Variants in GTF2F2 observed in about 807,000 individuals in gnomAD.
GTF2F2 encodes the protein ATP-dependent helicase GTF2F2.
In GTF2F2, 23 loss-of-function variants were observed where a neutral mutation model predicts 42.2. The observed-to-expected ratio is 0.55, with a 90% CI of 0.39 to 0.77. The LOEUF is 0.77. GTF2F2 is among the 30% of genes least tolerant of loss of function. The pLI is 0.00. For synonymous variants in GTF2F2, 105 were observed against 100.8 expected, an observed-to-expected ratio of 1.04 and a Z score of -0.25; for missense variants, 261 against 287.2, an observed-to-expected ratio of 0.91 and a Z score of 0.66.
At chr13:45,130,072 T>A (rs1489610989) in intron 1 of GTF2F2, among the ~76,000 whole-genome samples, 2 of 152,206 alleles carry the variant, frequency 1.3e-5, no homozygotes, top group Non-Finnish European at 2.9e-5. Context: ...GTTGAAGATA[T>A]GGGATAGGAT....
At position 45,120,580 on chromosome 13, in the gene GTF2F2, C is replaced by G. The variant is rs914005811; in HGVS notation, c.-76C>G. Reference sequence around the variant, plus strand: ...CTCTCAGCGCGGCTTGTCCTTTGTTCCGGACGCCCGCTCCTCAGCCCTGCG... The same window carrying G: ...CTCTCAGCGCGGCTTGTCCTTTGTTGCGGACGCCCGCTCCTCAGCCCTGCG... On this transcript the variant is annotated 5_prime_UTR_variant, in exon 1 of 8. Coordinates refer to ENST00000340473, the MANE Select transcript of GTF2F2 (RefSeq NM_004128.3). 1.9e-6 allele frequency: 2 copies of G among 1,070,030 alleles called. No homozygotes were observed. The highest frequency in any genetic ancestry group is 1.4e-5 in the South Asian group (1 of 73,824). The allele number at this position is 1,070,030 out of a possible 1,614,324, so 66.3% of individuals were successfully genotyped here.
At chr13:45,155,276 T>TC in intron 4 of GTF2F2, among the ~76,000 whole-genome samples, 1 of 152,206 alleles carries the variant, frequency 6.6e-6, no homozygotes, top group South Asian at 2.1e-4. Context: ...TACATTGAAA[T>TC]ATAAATGAAG....
At chr13:45,139,896 A>G (rs944720668) in intron 2 of GTF2F2, among the ~76,000 whole-genome samples, 2 of 152,118 alleles carry the variant, frequency 1.3e-5, no homozygotes, top group Admixed American at 6.5e-5. Context: ...TCCCATACCA[A>G]AATCTACCAT....
chr13:45,183,462 G>C (rs1228082528), intron 4 of GTF2F2, among the ~76,000 whole-genome samples: 1 of 152,146 alleles, frequency 6.6e-6, no homozygotes, highest in East Asian at 1.9e-4. Context: ...CATCAAAAGG[G>C]AAGCAAGACG....
intron 5 of GTF2F2, among the ~76,000 whole-genome samples, chr13:45,225,992 G>C (rs1446486691): frequency 6.6e-6 from 1 of 151,822 alleles, no homozygotes; most frequent in Admixed American, 6.6e-5. Flanking sequence ...GTTGGAATTA[G>C]GAAAAATGCA....
chr13:45,262,315 G>A (rs766865528), intron 6 of GTF2F2, among the ~76,000 whole-genome samples: 2 of 152,158 alleles, frequency 1.3e-5, no homozygotes, highest in African/African-American at 2.4e-5. Context: ...TTGAGACTGC[G>A]ATGAGCTATG....
chr13:45,269,393 G>A (rs1876695811), intron 7 of GTF2F2, among the ~76,000 whole-genome samples: 1 of 152,224 alleles, frequency 6.6e-6, no homozygotes, highest in Non-Finnish European at 1.5e-5. Context: ...TCCCCAGGCT[G>A]GGGGTAGGCC....
At chr13:45,174,634 CTTTTTTTTTTTTT>C (rs397950608) in intron 4 of GTF2F2, among the ~76,000 whole-genome samples, 3 of 81,504 alleles carry the variant, frequency 3.7e-5, no homozygotes, top group African/African-American at 1.4e-4. Flanking sequence ...TTTCTTTTTT[CTTTTTTTTTTTTT>C]TTTTTTTTAG....
At chr13:45,216,018 G>T (rs1221671458) in intron 5 of GTF2F2, among the ~76,000 whole-genome samples, 1 of 151,940 alleles carries the variant, frequency 6.6e-6, no homozygotes. Context: ...TTGGGAGGCC[G>T]AGTCTTGAGC....
chr13:45,219,964 A>G (rs1874042515), intron 5 of GTF2F2, among the ~76,000 whole-genome samples: 1 of 152,198 alleles, frequency 6.6e-6, no homozygotes, highest in East Asian at 1.9e-4. Context: ...GGGCGTGGTG[A>G]GGTTACATAA....
At chr13:45,239,475 T>C (rs1382679413) in intron 5 of GTF2F2, among the ~76,000 whole-genome samples, 8 of 152,120 alleles carry the variant, frequency 5.3e-5, no homozygotes, top group Non-Finnish European at 2.9e-5. Flanking sequence ...AAAACAGAAG[T>C]TGGGCAGTAA....
chr13:45,189,055 T>C (rs1872532006), intron 4 of GTF2F2, among the ~76,000 whole-genome samples: 2 of 151,920 alleles, frequency 1.3e-5, no homozygotes, highest in Non-Finnish European at 2.9e-5. Context: ...CCTCCCCGGC[T>C]CCCCACCCCA....
intron 4 of GTF2F2, among the ~76,000 whole-genome samples, chr13:45,200,552 C>T (rs1277366825): frequency 6.6e-6 from 1 of 152,124 alleles, no homozygotes; most frequent in Non-Finnish European, 1.5e-5. Context: ...CCTCAGCCTC[C>T]CAAAGTGTTG....
chr13:45,267,221 GTT>G lies in GTF2F2; in HGVS notation c.487-10_487-9del, dbSNP rs1233372691. On this transcript the variant is annotated splice_polypyrimidine_tract_variant and intron_variant, in intron 6 of 7. Transcript: ENST00000340473. Reference sequence around the variant, plus strand: ...AATTGATGCTTTTATTTCCTTTGCTGTTTGCATATAGATCGAATATGAAAGGA... The same window carrying G: ...AATTGATGCTTTTATTTCCTTTGCTGTGCATATAGATCGAATATGAAAGGA... 1 of 1,604,566 alleles carries G rather than the reference GTT, an allele frequency of 6.2e-7. No homozygotes were observed. The highest frequency in any genetic ancestry group is 2.2e-5 in the East Asian group (1 of 44,766).
At chr13:45,172,361 C>T (rs1363240803) in intron 4 of GTF2F2, among the ~76,000 whole-genome samples, 2 of 152,120 alleles carry the variant, frequency 1.3e-5, no homozygotes, top group African/African-American at 4.8e-5. Context: ...ATACCTATTC[C>T]AGACCCTTTG....
At chr13:45,202,567 G>T (rs1311789523) in intron 4 of GTF2F2, among the ~76,000 whole-genome samples, 1 of 152,098 alleles carries the variant, frequency 6.6e-6, no homozygotes, top group Non-Finnish European at 1.5e-5. Context: ...ACCAGTAATT[G>T]GTCAGTTACA....
Position 45,136,881 on chromosome 13 carries a change from A to G in GTF2F2, c.140+75A>G. 6 of 809,218 alleles carry G rather than the reference A, an allele frequency of 7.4e-6. No individual in the cohort carries two copies. In the Middle Eastern group the frequency reaches 1.5e-3, roughly 205 times the overall value. 50.1% of individuals were successfully genotyped at this position (809,218 alleles called of 1,614,324 possible). A position where few individuals can be genotyped will look rare whatever the true frequency, so the allele number is the denominator to read the frequency against. On this transcript the variant is annotated intron_variant, in intron 2 of 7. Coordinates refer to ENST00000340473, the MANE Select transcript of GTF2F2 (RefSeq NM_004128.3). ...TTTATAAGTGCTTTTAAAAGTGATT[A>G]TAATTTCTGATCAGAGTTTACTTGG...
At chr13:45,186,660 A>G (rs1252779296) in intron 4 of GTF2F2, among the ~76,000 whole-genome samples, 1 of 152,208 alleles carries the variant, frequency 6.6e-6, no homozygotes, top group African/African-American at 2.4e-5. Context: ...ATGATACCTA[A>G]TGTAAATGAT....
At chr13:45,193,410 T>G (rs940434878) in intron 4 of GTF2F2, 48 of 164,078 alleles carry the variant, frequency 2.9e-4, no homozygotes, top group Non-Finnish European at 7.9e-5. Context: ...AATAGCCCCT[T>G]AAAATATTTT....
Sources: gnomAD v4.1 joint callset for allele counts (sites outside exome capture counted in the v4.1 genomes callset) on GRCh38, gnomAD v4.1.1 for gene constraint, MANE v1.5 for transcripts, NCBI Gene and HGNC (gene_info 2026-07-23, HGNC 2026-07-21) for gene names.